OR1F1: variants seen among roughly 807,000 people sequenced by gnomAD.
OR1F1 encodes the protein olfactory receptor 1F1.
For missense variants in OR1F1, 493 were observed against 376.3 expected (o/e 1.31, Z -2.57); for synonymous variants, 184 against 156.7 (o/e 1.17, Z -1.30).
the OR1F1 span, among the ~76,000 whole-genome samples, chr16:3,192,057 G>A: frequency 0.03 from 4,532 of 152,190 alleles, 234 homozygotes; most frequent in African/African-American, 0.1. Context: ...TCCCGGACGA[G>A]CCCCTCTTCT....
At chr16:3,196,675 A>G in the OR1F1 span, among the ~76,000 whole-genome samples, 1 of 149,574 alleles carries the variant, frequency 6.7e-6, no homozygotes, top group African/African-American at 2.5e-5. Flanking sequence ...GATGTAAGCC[A>G]CCACGACTGG....
exon 1 of OR1F1, chr16:3,204,368 G>A (rs1268815620): frequency 6.2e-7 from 1 of 1,613,864 alleles, no homozygotes; most frequent in African/African-American, 1.3e-5. Flanking sequence ...ACTGTCCTGG[G>A]GAACCTGCTC....
the OR1F1 span, among the ~76,000 whole-genome samples, chr16:3,191,563 C>T: frequency 6.6e-6 from 1 of 152,022 alleles, no homozygotes; most frequent in Non-Finnish European, 1.5e-5. Context: ...GTTCGAGCCC[C>T]ACGTTGGGCG....
At chr16:3,193,254 C>T in the OR1F1 span, among the ~76,000 whole-genome samples, 2 of 152,204 alleles carry the variant, frequency 1.3e-5, no homozygotes, top group Non-Finnish European at 2.9e-5. Context: ...ATGCCCTGGA[C>T]CCCAGGAGGA....
chr16:3,204,678 G>A (rs184814626), exon 1 of OR1F1: 4 of 1,614,042 alleles, frequency 2.5e-6, no homozygotes, highest in South Asian at 1.1e-5. Flanking sequence ...GTGCCCTGCT[G>A]GTTGCTGGAT....
upstream of OR1F1, among the ~76,000 whole-genome samples, chr16:3,201,571 A>G (rs1419511832): frequency 6.6e-6 from 1 of 152,198 alleles, no homozygotes; most frequent in African/African-American, 2.4e-5. Context: ...GACAATGTCC[A>G]TCACTGGATT....
At chr16:3,192,009 T>G in the OR1F1 span, among the ~76,000 whole-genome samples, 1 of 152,092 alleles carries the variant, frequency 6.6e-6, no homozygotes, top group Non-Finnish European at 1.5e-5. Flanking sequence ...TCTAGGGGTA[T>G]GATTCTCGCT....
upstream of OR1F1, among the ~76,000 whole-genome samples, chr16:3,202,935 T>G (rs994183676): frequency 6.6e-6 from 1 of 152,052 alleles, no homozygotes; most frequent in Non-Finnish European, 1.5e-5. Context: ...GGAAATTGAG[T>G]GCTGGTCTGT....
At chr16:3,201,727 G>C (rs754885719), upstream of OR1F1, among the ~76,000 whole-genome samples, 2 of 152,072 alleles carry the variant, frequency 1.3e-5, no homozygotes, top group Non-Finnish European at 2.9e-5. Flanking sequence ...AGCAGGGCTC[G>C]GACACTGGAC....
chr16:3,204,018 A>G (rs905649326), upstream of OR1F1, among the ~76,000 whole-genome samples: 3 of 152,060 alleles, frequency 2.0e-5, no homozygotes, highest in Admixed American at 1.3e-4. Flanking sequence ...TAATTTTACA[A>G]ATTGGACTCA....
chr16:3,189,503 C>T, the OR1F1 span, among the ~76,000 whole-genome samples: 1 of 152,222 alleles, frequency 6.6e-6, no homozygotes, highest in African/African-American at 2.4e-5. Flanking sequence ...CCACACCCAT[C>T]CTCACTTGAA....
the OR1F1 span, among the ~76,000 whole-genome samples, chr16:3,193,142 G>A: frequency 1.3e-5 from 2 of 152,086 alleles, no homozygotes; most frequent in East Asian, 3.9e-4. Flanking sequence ...GGCCAGGCTG[G>A]CCTCGAACTC....
chr16:3,204,222 C>T, upstream of OR1F1: 1 of 1,540,282 alleles, frequency 6.5e-7, no homozygotes, highest in Non-Finnish European at 8.8e-7. Context: ...TCTTTGTCTG[C>T]CTCTGTGTCC....
At chr16:3,205,725 G>A (rs1388145657), downstream of OR1F1, among the ~76,000 whole-genome samples, 2 of 152,080 alleles carry the variant, frequency 1.3e-5, no homozygotes, top group Non-Finnish European at 2.9e-5. Flanking sequence ...ACATTTATCA[G>A]TTCCCGAAAT....
chr16:3,194,506 A>G, the OR1F1 span, among the ~76,000 whole-genome samples: 1 of 152,216 alleles, frequency 6.6e-6, no homozygotes, highest in African/African-American at 2.4e-5. Context: ...AGAACGTTCA[A>G]TCTATCCTGG....
chr16:3,193,901 T>G, the OR1F1 span, among the ~76,000 whole-genome samples: 1 of 152,178 alleles, frequency 6.6e-6, no homozygotes, highest in African/African-American at 2.4e-5. Context: ...ATATTCTCAG[T>G]AGGGCACGTG....
At chr16:3,204,910 A>C in exon 1 of OR1F1, 2 of 1,614,064 alleles carry the variant, frequency 1.2e-6, no homozygotes, top group Non-Finnish European at 1.7e-6. Flanking sequence ...TATGCACATC[A>C]CCTGCACTGT....
the OR1F1 span, among the ~76,000 whole-genome samples, chr16:3,193,872 T>G: frequency 4.6e-5 from 7 of 152,216 alleles, no homozygotes; most frequent in Non-Finnish European, 1.0e-4. Flanking sequence ...CCACCCGCGA[T>G]AAGTTATTCT....
the OR1F1 span, among the ~76,000 whole-genome samples, chr16:3,189,415 C>T: frequency 6.6e-6 from 1 of 152,178 alleles, no homozygotes; most frequent in African/African-American, 2.4e-5. Context: ...GACCCAGGGC[C>T]CTTCTGGATT....
Sources: gnomAD v4.1 joint callset for allele counts (sites outside exome capture counted in the v4.1 genomes callset) on GRCh38, gnomAD v4.1.1 for gene constraint, MANE v1.5 for transcripts, NCBI Gene and HGNC (gene_info 2026-07-23, HGNC 2026-07-21) for gene names.